RGS6: variants seen among roughly 807,000 people sequenced by gnomAD.
The protein encoded by RGS6 is regulator of G protein signaling 6.
Under a neutral mutation model 78.5 loss-of-function variants are expected in RGS6, and 30 were observed. The ratio of observed to expected loss-of-function variants is 0.38; its 90% CI spans 0.29 to 0.52. The LOEUF (loss-of-function observed/expected upper bound fraction) is 0.52, where lower values mean the gene tolerates loss of function less well. RGS6 is among the 20% of genes least tolerant of loss of function. The pLI is 0.85. For missense variants in RGS6, 495 were observed against 609.7 expected, an observed-to-expected ratio of 0.81 and a Z score of 1.98; for synonymous variants, 206 against 206.0, an observed-to-expected ratio of 1.00 and a Z score of 0.00.
chr14:72,472,826 A>C, intron 8 of RGS6, 46 bp from the exon 9 acceptor site: 1 of 1,424,098 alleles, frequency 7.0e-7, no homozygotes, highest in Non-Finnish European at 9.8e-7. Flanking sequence ...AGAAGGGAAA[A>C]CAGAATACAG....
Position 72,518,601 on chromosome 14 carries a change from A to G in RGS6, c.1278+64A>G. 2.0e-6 allele frequency: 3 copies of G among 1,469,994 alleles called. No homozygotes were observed. The South Asian group carries it at 3.6e-5, about 18-fold the overall frequency. 91.1% of individuals were successfully genotyped at this position (1,469,994 alleles called of 1,614,324 possible). A position where few individuals can be genotyped will look rare whatever the true frequency, so the allele number is the denominator to read the frequency against. On this transcript the variant is annotated intron_variant, in intron 15 of 17. Coordinates refer to ENST00000553525, the MANE Select transcript of RGS6 (RefSeq NM_001204424.2). ...ATTTGTCCCCTTCATTGCCTGACCT[A>G]TTAACACAAGTTCAAGGCATTGTGG...
At chr14:72,089,318 T>A (rs987720221) in intron 2 of RGS6, among the ~76,000 whole-genome samples, 1 of 152,224 alleles carries the variant, frequency 6.6e-6, no homozygotes, top group Admixed American at 6.5e-5. Context: ...GGAATAATGT[T>A]ACAAAGGATG....
chr14:71,918,941 C>T, the RGS6 span, among the ~76,000 whole-genome samples: 1 of 151,836 alleles, frequency 6.6e-6, no homozygotes, highest in Non-Finnish European at 1.5e-5. Context: ...CTGTTTGAAA[C>T]ACACCTGATA....
intron 10 of RGS6, among the ~76,000 whole-genome samples, chr14:72,476,249 A>G (rs748543304): frequency 7.9e-5 from 12 of 152,244 alleles, no homozygotes; most frequent in Non-Finnish European, 1.6e-4. Context: ...TTTGTACCAG[A>G]TGGGAATCTG....
At chr14:72,574,989 G>T in the RGS6 span, among the ~76,000 whole-genome samples, 2 of 152,166 alleles carry the variant, frequency 1.3e-5, no homozygotes, top group Non-Finnish European at 2.9e-5. Context: ...GAATATGGGG[G>T]TTGGAAAGGG....
chr14:71,898,876 T>A, the RGS6 span, among the ~76,000 whole-genome samples: 1 of 152,252 alleles, frequency 6.6e-6, no homozygotes, highest in Non-Finnish European at 1.5e-5. Context: ...TAGTAACCCA[T>A]GGTGTATATG....
intron 4 of RGS6, among the ~76,000 whole-genome samples, chr14:72,455,755 C>T (rs1039237533): frequency 2.6e-5 from 4 of 152,182 alleles, no homozygotes; most frequent in Non-Finnish European, 5.9e-5. Context: ...GTCCCTGATG[C>T]AGCCTGTACT....
intron 2 of RGS6, among the ~76,000 whole-genome samples, chr14:72,132,781 G>GTTTTTTTT (rs767770941): frequency 7.5e-6 from 1 of 132,646 alleles, no homozygotes. Context: ...TTTGTTTGTC[G>GTTTTTTTT]TTTTTTTTTT....
At chr14:72,548,814 AAGAT>A (rs888015941) in intron 17 of RGS6, among the ~76,000 whole-genome samples, 6 of 152,206 alleles carry the variant, frequency 3.9e-5, no homozygotes, top group Admixed American at 1.3e-4. Flanking sequence ...AAATGGCTAG[AAGAT>A]AGATAGGTAG....
intron 2 of RGS6, among the ~76,000 whole-genome samples, chr14:72,175,358 C>A (rs184207883): frequency 1.8e-4 from 27 of 152,336 alleles, no homozygotes; most frequent in Admixed American, 5.2e-4. Flanking sequence ...GTTAGTGATA[C>A]TAACGTTTCA....
At chr14:72,312,090 T>G (rs1429860103) in intron 2 of RGS6, among the ~76,000 whole-genome samples, 2 of 152,162 alleles carry the variant, frequency 1.3e-5, no homozygotes, top group Non-Finnish European at 2.9e-5. Flanking sequence ...CAGCCTGAGG[T>G]TACCAGGTTC....
intron 7 of RGS6, among the ~76,000 whole-genome samples, chr14:72,467,801 C>T (rs2095961364): frequency 6.6e-6 from 1 of 152,140 alleles, no homozygotes; most frequent in African/African-American, 2.4e-5. Flanking sequence ...CCCAGTCATG[C>T]CCCTGTCTGC....
intron 2 of RGS6, among the ~76,000 whole-genome samples, chr14:72,284,870 T>C (rs899462881): frequency 6.8e-4 from 103 of 152,342 alleles, no homozygotes; most frequent in Non-Finnish European, 3.4e-4. Flanking sequence ...GGAACCCACC[T>C]CTTGCATCGG....
At position 72,518,388 on chromosome 14, in the gene RGS6, C is replaced by T. The variant is rs572389164; in HGVS notation, c.1129C>T (p.Leu377=). 9.3e-6 allele frequency: 15 copies of T among 1,614,176 alleles called. No homozygotes were observed. The highest frequency in any genetic ancestry group is 1.3e-5 in the African/African-American group (1 of 75,054). The change falls in exon 15 of 18, where the codon CTA becomes TTA. Residue 377 remains leucine, a synonymous_variant. Coordinates refer to ENST00000553525, the MANE Select transcript of RGS6 (RefSeq NM_001204424.2). ...LAVQDLKKQP[L]QDVAKRVEEI... ...TGTCCAAGATCTTAAGAAACAACCC[C>T]TACAGGATGTGGCCAAGAGGGTAGA...
intron 2 of RGS6, among the ~76,000 whole-genome samples, chr14:72,244,912 C>T (rs904709241): frequency 1.3e-5 from 2 of 152,162 alleles, no homozygotes; most frequent in African/African-American, 4.8e-5. Context: ...GCAGCCTGCA[C>T]CTCCTGGGTT....
intron 2 of RGS6, among the ~76,000 whole-genome samples, chr14:72,348,835 T>A (rs2078553242): frequency 6.6e-6 from 1 of 152,228 alleles, no homozygotes; most frequent in Admixed American, 6.5e-5. Flanking sequence ...ATAACTTTGC[T>A]GTAGAGCAAA....
chr14:71,975,293 G>A (rs1410754853), intron 2 of RGS6, among the ~76,000 whole-genome samples: 2 of 152,146 alleles, frequency 1.3e-5, no homozygotes, highest in Admixed American at 6.5e-5. Flanking sequence ...TTGGGCAGTT[G>A]GCTGTAAGTT....
At chr14:72,218,661 T>C (rs1022564805) in intron 2 of RGS6, among the ~76,000 whole-genome samples, 1 of 152,078 alleles carries the variant, frequency 6.6e-6, no homozygotes, top group African/African-American at 2.4e-5. Flanking sequence ...CACCAGGCTG[T>C]AGTGCAGTGG....
chr14:72,362,736 A>G (rs760357702), intron 3 of RGS6, among the ~76,000 whole-genome samples: 9 of 152,232 alleles, frequency 5.9e-5, no homozygotes, highest in Non-Finnish European at 1.0e-4. Flanking sequence ...ACGTTCTTCA[A>G]GGCAAATTAC....
Sources: allele counts gnomAD v4.1 joint callset (sites outside exome capture counted in the v4.1 genomes callset), GRCh38; gene constraint gnomAD v4.1.1; transcripts MANE v1.5; gene names NCBI Gene and HGNC (gene_info 2026-07-23, HGNC 2026-07-21).